Variants in RTN1 observed in about 807,000 individuals in gnomAD.
RTN1 encodes the protein reticulon-1.
RTN1 carries 25 observed loss-of-function variants against 65.5 expected under a neutral mutation model. The ratio of observed to expected loss-of-function variants is 0.38; its 90% CI spans 0.28 to 0.53. RTN1 has a LOEUF of 0.53. Among genes scored for constraint, RTN1 ranks in the 20% least tolerant of loss-of-function variants. RTN1 has a pLI of 0.79. For synonymous variants in RTN1, 471 were observed against 447.6 expected (o/e 1.05, Z -0.66); for missense variants, 983 against 1,025.4 (o/e 0.96, Z 0.57).
chr14:59,812,578 G>A (rs751093280), intron 1 of RTN1, among the ~76,000 whole-genome samples: 1 of 152,152 alleles, frequency 6.6e-6, no homozygotes, highest in Non-Finnish European at 1.5e-5. Flanking sequence ...GAAGTAGCTG[G>A]TAGATATTTG....
At chr14:59,824,377 C>A (rs1594757014) in intron 1 of RTN1, among the ~76,000 whole-genome samples, 1 of 152,208 alleles carries the variant, frequency 6.6e-6, no homozygotes, top group Admixed American at 6.5e-5. Flanking sequence ...GTCTGTGGAC[C>A]TTTGCTAATA....
chr14:59,752,414 T>A (rs1434036383), intron 1 of RTN1, among the ~76,000 whole-genome samples: 1 of 152,040 alleles, frequency 6.6e-6, no homozygotes, highest in Non-Finnish European at 1.5e-5. Context: ...TCTGCCCTTG[T>A]AGCTTAATCA....
chr14:59,869,496 G>C (rs1887853277), intron 1 of RTN1, among the ~76,000 whole-genome samples: 1 of 151,532 alleles, frequency 6.6e-6, no homozygotes, highest in African/African-American at 2.4e-5. Flanking sequence ...CCAGGGGCCT[G>C]GGCTCCCGCT....
In RTN1 at chr14:59,711,519, C is replaced by T. The variant is rs565933149; in HGVS notation, c.1765+15400G>A. ...ATTTAAATGTGCTTTTGAAAAAGAACACAAGCTATAAAGCACATTGACATA... is the reference window on the plus strand; with the variant it reads ...ATTTAAATGTGCTTTTGAAAAAGAATACAAGCTATAAAGCACATTGACATA... On this transcript the variant is annotated intron_variant, in intron 3 of 8. Transcript: ENST00000267484. 7.9e-5 allele frequency among the ~76,000 whole-genome samples: 12 copies of T among 152,334 alleles called. No individual in the cohort carries two copies. The South Asian group carries it at 2.1e-3, about 26-fold the overall frequency.
intron 3 of RTN1, among the ~76,000 whole-genome samples, chr14:59,682,100 T>C (rs765982879): frequency 2.6e-5 from 4 of 152,204 alleles, no homozygotes; most frequent in Non-Finnish European, 4.4e-5. Context: ...TCTCCCCATC[T>C]TCATCTCCCA....
chr14:59,661,554 T>C (rs911754648), intron 3 of RTN1, among the ~76,000 whole-genome samples: 3 of 152,264 alleles, frequency 2.0e-5, no homozygotes, highest in Non-Finnish European at 4.4e-5. Context: ...TTATCCACCA[T>C]GATCAAGTCA....
intron 1 of RTN1, among the ~76,000 whole-genome samples, chr14:59,848,522 A>T (rs1482216893): frequency 6.6e-6 from 1 of 152,224 alleles, no homozygotes; most frequent in Non-Finnish European, 1.5e-5. Flanking sequence ...TTTGCTGATT[A>T]TTCTTATAAC....
At chr14:59,610,390 T>C (rs1336809847) in intron 3 of RTN1, among the ~76,000 whole-genome samples, 1 of 152,232 alleles carries the variant, frequency 6.6e-6, no homozygotes, top group Non-Finnish European at 1.5e-5. Flanking sequence ...TTCTGGACAC[T>C]TTGCAACAAT....
At chr14:59,780,169 G>A (rs867267668) in intron 1 of RTN1, among the ~76,000 whole-genome samples, 1 of 152,168 alleles carries the variant, frequency 6.6e-6, no homozygotes, top group South Asian at 2.1e-4. Context: ...AGCTGAACTG[G>A]TGGAAAGTTA....
chr14:59,735,410 G>A (rs568775795), intron 2 of RTN1, among the ~76,000 whole-genome samples: 14 of 152,232 alleles, frequency 9.2e-5, no homozygotes, highest in African/African-American at 3.1e-4. Context: ...GTGTAAATGG[G>A]CTAAATGCCC....
At chr14:59,715,098 T>C (rs971920939) in intron 3 of RTN1, among the ~76,000 whole-genome samples, 2 of 152,190 alleles carry the variant, frequency 1.3e-5, no homozygotes, top group Non-Finnish European at 2.9e-5. Context: ...AACTTGTCCC[T>C]GGTACCAAAA....
At chr14:59,812,198 C>T (rs973450327) in intron 1 of RTN1, among the ~76,000 whole-genome samples, 2 of 152,158 alleles carry the variant, frequency 1.3e-5, no homozygotes, top group African/African-American at 4.8e-5. Context: ...ATATGCATTC[C>T]TAAAAATCAC....
At chr14:59,730,162 C>T (rs1260460331) in intron 2 of RTN1, among the ~76,000 whole-genome samples, 1 of 152,194 alleles carries the variant, frequency 6.6e-6, no homozygotes, top group Non-Finnish European at 1.5e-5. Context: ...GATATAACTA[C>T]ATGGTTAGAA....
chr14:59,719,988 G>T (rs1310321646), intron 3 of RTN1, among the ~76,000 whole-genome samples: 2 of 152,136 alleles, frequency 1.3e-5, no homozygotes, highest in East Asian at 3.9e-4. Context: ...GTTTAAGGTT[G>T]ACTCGATTCC....
intron 1 of RTN1, among the ~76,000 whole-genome samples, chr14:59,754,091 A>G (rs1366847979): frequency 6.6e-6 from 1 of 152,210 alleles, no homozygotes; most frequent in African/African-American, 2.4e-5. Flanking sequence ...ATAACTTCAA[A>G]AAAGTACTTA....
intron 1 of RTN1, among the ~76,000 whole-genome samples, chr14:59,748,063 A>C (rs1227713608): frequency 1.3e-5 from 2 of 152,146 alleles, no homozygotes; most frequent in Non-Finnish European, 2.9e-5. Flanking sequence ...CATTTTACAG[A>C]TGAGGAAACT....
intron 1 of RTN1, among the ~76,000 whole-genome samples, chr14:59,855,322 T>G (rs1887585495): frequency 6.6e-6 from 1 of 152,234 alleles, no homozygotes; most frequent in African/African-American, 2.4e-5. Context: ...CTCTTCACTC[T>G]GCTGTCGAGC....
At chr14:59,795,612 T>C (rs920094870) in intron 1 of RTN1, among the ~76,000 whole-genome samples, 1 of 152,196 alleles carries the variant, frequency 6.6e-6, no homozygotes, top group Admixed American at 6.5e-5. Flanking sequence ...TCTACATATT[T>C]ATTGTGAACA....
At chr14:59,732,275 T>G (rs1032811558) in intron 2 of RTN1, among the ~76,000 whole-genome samples, 4 of 152,222 alleles carry the variant, frequency 2.6e-5, no homozygotes, top group Non-Finnish European at 4.4e-5. Flanking sequence ...CCCTGAAAAC[T>G]AGTTTAAAAG....
Sources: allele counts gnomAD v4.1 joint callset (sites outside exome capture counted in the v4.1 genomes callset), GRCh38; gene constraint gnomAD v4.1.1; transcripts MANE v1.5; gene names NCBI Gene and HGNC (gene_info 2026-07-23, HGNC 2026-07-21).